The following HRH2 variants were observed in gnomAD, a reference collection of about 807,000 sequenced individuals.
The protein encoded by HRH2 is histamine H2 receptor.
Under a neutral mutation model 20.1 loss-of-function variants are expected in HRH2, and 4 were observed. The ratio of observed to expected loss-of-function variants is 0.20; its 90% CI spans 0.10 to 0.45. HRH2 has a LOEUF of 0.45. Ranked by LOEUF, HRH2 falls within the 20% of genes least tolerant of loss-of-function variation. The pLI is 0.99. For synonymous variants in HRH2, 197 were observed against 200.7 expected (o/e 0.98, Z 0.16); for missense variants, 250 against 461.6 (o/e 0.54, Z 4.20).
intron 1 of HRH2, among the ~76,000 whole-genome samples, chr5:175,679,652 A>G (rs569321987): frequency 6.6e-6 from 1 of 152,296 alleles, no homozygotes; most frequent in East Asian, 1.9e-4. Context: ...ACTCAAGGAG[A>G]CAGTTACCTG....
intron 2 of HRH2, chr5:175,691,292 G>C (rs576198630): frequency 6.5e-6 from 1 of 152,686 alleles, no homozygotes; most frequent in African/African-American, 2.4e-5. Context: ...CAGAGAGGAG[G>C]TGGGAAGCCC....
intron 1 of HRH2, among the ~76,000 whole-genome samples, chr5:175,678,610 A>G (rs1755841856): frequency 6.6e-6 from 1 of 152,250 alleles, no homozygotes; most frequent in African/African-American, 2.4e-5. Context: ...GTAAGGATCA[A>G]ACCACCTACT....
In HRH2 at chr5:175,684,251, C is replaced by T. The variant is rs775202394; in HGVS notation, c.1018C>T (p.Leu340=). The T allele has an allele frequency of 1.2e-6, 2 of 1,614,186 alleles. No individual in the cohort carries two copies. Among genetic ancestry groups the T allele is most frequent in the Non-Finnish European group, 1.7e-6 (2 of 1,180,030 alleles). The change falls in exon 2 of 3, where the codon CTG becomes TTG. Residue 340 remains leucine (L), a synonymous_variant. Coordinates refer to ENST00000636584, the MANE Select transcript of HRH2 (RefSeq NM_001367711.1). ...ACCCAGGCAACAGGAAGAGAAACCC[C>T]TGAAGCTCCAGGTGTGGAGTGGGAC... The part of the protein sequence containing the change: ...REPRQQEEKP[L]KLQVWSGTEV...
At chr5:175,694,460 G>A (rs1756500871) in intron 2 of HRH2, among the ~76,000 whole-genome samples, 1 of 152,112 alleles carries the variant, frequency 6.6e-6, no homozygotes, top group South Asian at 2.1e-4. Context: ...CGGCTCCTGG[G>A]CTCTCCCTGG....
chr5:175,707,773 C>T lies in HRH2; in HGVS notation c.1077-6C>T. On this transcript the variant is annotated splice_region_variant and splice_polypyrimidine_tract_variant and intron_variant, in intron 2 of 2. Transcript: ENST00000636584. ...CTCAGCCTGGCATGTGCTTGTGTCT[C>T]CTCAGGAAGCCAGCACTGTCCTGCA... 1 of 397,604 alleles carries T rather than the reference C, an allele frequency of 2.5e-6. No individual in the cohort carries two copies. The allele number at this position is 397,604 out of a possible 1,614,324, so 24.6% of individuals were successfully genotyped here.
Position 175,708,020 on chromosome 5 carries a change from A to G in HRH2, c.*49A>G, listed in dbSNP as rs1437926581. The G allele has an allele frequency of 2.5e-6, 1 of 398,666 alleles. No individual in the cohort carries two copies. Among genetic ancestry groups the G allele is most frequent in the African/African-American group, 2.1e-5 (1 of 48,530 alleles). The allele number at this position is 398,666 out of a possible 1,614,324, so 24.7% of individuals were successfully genotyped here. ...TACCGCTCCCGGTCCCCAAGATGTG[A>G]CTCCTGGAGCTCCTAAGGACCCAGT... is the stretch of plus-strand genomic sequence containing the variant. On this transcript the variant is annotated 3_prime_UTR_variant, in exon 3 of 3. Coordinates refer to ENST00000636584, the MANE Select transcript of HRH2 (RefSeq NM_001367711.1).
chr5:175,699,422 C>T (rs1756720572), intron 2 of HRH2, among the ~76,000 whole-genome samples: 1 of 152,222 alleles, frequency 6.6e-6, no homozygotes. Flanking sequence ...CCAACCTCCT[C>T]CGCTTCCATT....
intron 1 of HRH2, among the ~76,000 whole-genome samples, chr5:175,669,884 C>G (rs1755462004): frequency 6.6e-6 from 1 of 152,228 alleles, no homozygotes; most frequent in South Asian, 2.1e-4. Flanking sequence ...TAGAGCTCCA[C>G]TAAAGGAATC....
intron 2 of HRH2, chr5:175,691,155 GCGGC>G (rs1756362015): frequency 7.2e-6 from 1 of 138,244 alleles, no homozygotes; most frequent in African/African-American, 3.5e-5. Flanking sequence ...CTTCTGCACA[GCGGC>G]CACGCGGCCA....
intron 2 of HRH2, among the ~76,000 whole-genome samples, chr5:175,705,813 C>A (rs951205385): frequency 1.2e-4 from 19 of 152,100 alleles, no homozygotes; most frequent in African/African-American, 4.6e-4. Context: ...TAGGTGCATG[C>A]CACCAGGCCC....
rs925411988 is a variant in HRH2 at position 175,699,743 on chromosome 5, T to C, written c.1077-8036T>C. Among the ~76,000 whole-genome samples the C allele has an allele frequency of 1.1e-4, 16 of 152,184 alleles. 1 individual carries two copies. In the East Asian group the frequency reaches 2.7e-3, roughly 26 times the overall value. ...CGCCCACCACCACGCCCGGCTAATT[T>C]TTTGTATGTTTAGTAGAGACAGGGT... is the stretch of plus-strand genomic sequence containing the variant. On this transcript the variant is annotated intron_variant, in intron 2 of 2. Transcript: ENST00000636584.
At chr5:175,661,798 G>T (rs1762744561) in intron 1 of HRH2, among the ~76,000 whole-genome samples, 1 of 152,112 alleles carries the variant, frequency 6.6e-6, no homozygotes, top group Non-Finnish European at 1.5e-5. Context: ...GAGGCGGGAG[G>T]ATCACAAGGT....
At chr5:175,696,829 C>T (rs1205471227) in intron 2 of HRH2, among the ~76,000 whole-genome samples, 3 of 152,050 alleles carry the variant, frequency 2.0e-5, no homozygotes, top group Admixed American at 1.3e-4. Flanking sequence ...CTCAGCACCG[C>T]CCCATGGGGT....
Position 175,682,874 on chromosome 5 carries a change from A to C in HRH2, c.-360A>C, listed in dbSNP as rs1756033683. 4.2e-6 allele frequency: 1 copy of C among 237,798 alleles called. No homozygotes were observed. The highest frequency in any genetic ancestry group is 7.7e-5 in the South Asian group (1 of 13,056). The allele number at this position is 237,798 out of a possible 1,614,324, so 14.7% of individuals were successfully genotyped here. ...AGACAGTGCCTCGGATTCTATGCAA[A>C]ACCTGGGAAGCGGAGACCTACCCCA... On this transcript the variant is annotated 5_prime_UTR_variant, in exon 2 of 3. Coordinates refer to ENST00000636584, the MANE Select transcript of HRH2 (RefSeq NM_001367711.1).
At chr5:175,700,803 G>A (rs2088669) in intron 2 of HRH2, among the ~76,000 whole-genome samples, 2,418 of 152,254 alleles carry the variant, frequency 0.016, 70 homozygotes, top group African/African-American at 0.055. Context: ...GAAGAGAATT[G>A]CTTGAACCCG....
intron 2 of HRH2, among the ~76,000 whole-genome samples, chr5:175,704,497 A>C (rs1370285393): frequency 2.6e-5 from 4 of 152,196 alleles, no homozygotes; most frequent in African/African-American, 9.6e-5. Context: ...AATGGAAGGA[A>C]ACTTCCTTAA....
intron 1 of HRH2, among the ~76,000 whole-genome samples, chr5:175,658,889 G>A (rs1355141614): frequency 6.6e-6 from 1 of 152,126 alleles, no homozygotes; most frequent in African/African-American, 2.4e-5. Flanking sequence ...CCATGAACAG[G>A]GCCATGCTAA....
At chr5:175,680,860 T>C (rs1011355475) in intron 1 of HRH2, among the ~76,000 whole-genome samples, 3 of 152,160 alleles carry the variant, frequency 2.0e-5, no homozygotes, top group Non-Finnish European at 4.4e-5. Context: ...TGGTCATCAT[T>C]GTCCCCCCAG....
intron 1 of HRH2, among the ~76,000 whole-genome samples, chr5:175,667,738 TTTG>T (rs1249259431): frequency 2.0e-5 from 3 of 152,316 alleles, no homozygotes; most frequent in South Asian, 2.1e-4. Flanking sequence ...CTGTAGTAAT[TTTG>T]TTGTGACATA....
Sources: allele counts gnomAD v4.1 joint callset (sites outside exome capture counted in the v4.1 genomes callset), GRCh38; gene constraint gnomAD v4.1.1; transcripts MANE v1.5; gene names NCBI Gene and HGNC (gene_info 2026-07-23, HGNC 2026-07-21).